BRINP3: variants seen among roughly 807,000 people sequenced by gnomAD.
BRINP3 encodes BMP/retinoic acid-inducible neural-specific protein 3.
BRINP3 carries 19 observed loss-of-function variants against 71.0 expected under a neutral mutation model. That is an observed-to-expected ratio of 0.27 (90% CI 0.19 to 0.39). The LOEUF (loss-of-function observed/expected upper bound fraction) is 0.39, where lower values mean the gene tolerates loss of function less well. Among genes scored for constraint, BRINP3 ranks in the 10% least tolerant of loss-of-function variants. BRINP3 has a pLI of 1.00. For synonymous variants in BRINP3, 380 were observed against 337.7 expected (o/e 1.13, Z -1.37); for missense variants, 959 against 940.8 (o/e 1.02, Z -0.25).
intron 6 of BRINP3, among the ~76,000 whole-genome samples, chr1:190,165,887 C>T (rs1277580582): frequency 6.6e-6 from 1 of 152,114 alleles, no homozygotes; most frequent in African/African-American, 2.4e-5. Flanking sequence ...TTACCAAGGG[C>T]TGAAATGGCA....
At chr1:190,251,097 A>G (rs1043905670) in intron 4 of BRINP3, among the ~76,000 whole-genome samples, 3 of 151,756 alleles carry the variant, frequency 2.0e-5, no homozygotes, top group Non-Finnish European at 4.4e-5. Flanking sequence ...AATTTTAAAA[A>G]GTAAAACACC....
intron 3 of BRINP3, among the ~76,000 whole-genome samples, chr1:190,265,405 CTG>C (rs1344263339): frequency 6.6e-6 from 1 of 151,782 alleles, no homozygotes; most frequent in African/African-American, 2.4e-5. Context: ...TAAAATGAAA[CTG>C]TATTTTACTC....
intron 4 of BRINP3, among the ~76,000 whole-genome samples, chr1:190,245,670 G>A (rs1385190405): frequency 1.3e-5 from 2 of 151,604 alleles, no homozygotes; most frequent in African/African-American, 4.8e-5. Flanking sequence ...TGTTACATAC[G>A]TATACATGTG....
intron 2 of BRINP3, among the ~76,000 whole-genome samples, chr1:190,396,132 T>C (rs571450094): frequency 9.0e-4 from 137 of 151,918 alleles, no homozygotes; most frequent in Non-Finnish European, 1.6e-3. Context: ...TGCCATTGTG[T>C]AGATGGGAAA....
chr1:190,274,766 T>C (rs1459280161), intron 3 of BRINP3, among the ~76,000 whole-genome samples: 2 of 151,576 alleles, frequency 1.3e-5, no homozygotes. Flanking sequence ...CCTGGTGAGA[T>C]CTATCTACTA....
chr1:190,141,750 G>T (rs1211485365), intron 7 of BRINP3, among the ~76,000 whole-genome samples: 1 of 151,416 alleles, frequency 6.6e-6, no homozygotes, highest in Non-Finnish European at 1.5e-5. Flanking sequence ...AGGAGAGACA[G>T]GATTTCACCA....
intron 6 of BRINP3, among the ~76,000 whole-genome samples, chr1:190,225,125 A>C (rs2102698408): frequency 6.6e-6 from 1 of 152,084 alleles, no homozygotes; most frequent in African/African-American, 2.4e-5. Context: ...ACTACTGAAT[A>C]TATATACAAA....
intron 3 of BRINP3, among the ~76,000 whole-genome samples, chr1:190,273,450 A>T (rs1047021459): frequency 1.3e-5 from 2 of 151,700 alleles, no homozygotes; most frequent in East Asian, 1.9e-4. Context: ...AGATGTGATT[A>T]TTCCACATAG....
chr1:190,338,242 A>C (rs1667420336), intron 2 of BRINP3, among the ~76,000 whole-genome samples: 1 of 152,100 alleles, frequency 6.6e-6, no homozygotes, highest in African/African-American at 2.4e-5. Context: ...TAGGAAACTA[A>C]ATAGAGCAGA....
chr1:190,411,586 G>A (rs1055343387), intron 2 of BRINP3, among the ~76,000 whole-genome samples: 1 of 151,992 alleles, frequency 6.6e-6, no homozygotes, highest in Non-Finnish European at 1.5e-5. Context: ...TTTTAAATTT[G>A]AAATAATAAA....
At chr1:190,191,493 C>T (rs764049175) in intron 6 of BRINP3, among the ~76,000 whole-genome samples, 21 of 151,944 alleles carry the variant, frequency 1.4e-4, no homozygotes, top group Admixed American at 3.3e-4. Context: ...CTTATGAGTG[C>T]GAACAAGTGG....
intron 6 of BRINP3, among the ~76,000 whole-genome samples, chr1:190,221,948 A>T (rs1656928328): frequency 6.6e-6 from 1 of 152,098 alleles, no homozygotes; most frequent in Non-Finnish European, 1.5e-5. Context: ...AATATATATA[A>T]GACTATAATA....
chr1:190,406,223 C>G (rs1672270580), intron 2 of BRINP3, among the ~76,000 whole-genome samples: 1 of 152,192 alleles, frequency 6.6e-6, no homozygotes, highest in Non-Finnish European at 1.5e-5. Flanking sequence ...AGCTCTACCA[C>G]TGATTCTTTG....
At chr1:190,456,673 C>A (rs1424137746) in intron 1 of BRINP3, among the ~76,000 whole-genome samples, 1 of 151,722 alleles carries the variant, frequency 6.6e-6, no homozygotes, top group Non-Finnish European at 1.5e-5. Flanking sequence ...GTATAATAAT[C>A]CTGTGACTAA....
chr1:190,199,214 C>G (rs1400924319), intron 6 of BRINP3, among the ~76,000 whole-genome samples: 1 of 152,146 alleles, frequency 6.6e-6, no homozygotes, highest in Non-Finnish European at 1.5e-5. Context: ...CTGGGTCCCT[C>G]CCATGACTTG....
chr1:190,469,674 T>G (rs1676998544), intron 1 of BRINP3, among the ~76,000 whole-genome samples: 1 of 151,008 alleles, frequency 6.6e-6, no homozygotes, highest in Admixed American at 6.6e-5. Context: ...ACTTTACTTA[T>G]TATCTATCCC....
intron 6 of BRINP3, among the ~76,000 whole-genome samples, chr1:190,166,143 T>G (rs1342658610): frequency 3.3e-5 from 5 of 152,176 alleles, no homozygotes; most frequent in African/African-American, 1.2e-4. Flanking sequence ...GTATAGAGTT[T>G]ATACGGAAAC....
At chr1:190,395,822 T>C (rs1558248291) in intron 2 of BRINP3, among the ~76,000 whole-genome samples, 1 of 151,888 alleles carries the variant, frequency 6.6e-6, no homozygotes, top group African/African-American at 2.4e-5. Context: ...AGTCCATCGA[T>C]GCTCTTTAAG....
At chr1:190,245,635 G>T (rs1181748237) in intron 4 of BRINP3, among the ~76,000 whole-genome samples, 1 of 151,734 alleles carries the variant, frequency 6.6e-6, no homozygotes, top group Admixed American at 6.6e-5. Context: ...TAAGTTTTAG[G>T]GTACATGTGC....
Sources: allele counts gnomAD v4.1 joint callset (sites outside exome capture counted in the v4.1 genomes callset), GRCh38; gene constraint gnomAD v4.1.1; transcripts MANE v1.5; gene names NCBI Gene and HGNC (gene_info 2026-07-23, HGNC 2026-07-21).